Variants in GSTA4 observed in about 807,000 individuals in gnomAD.
GSTA4 encodes the protein glutathione S-transferase alpha 4.
Under a neutral mutation model 24.4 loss-of-function variants are expected in GSTA4, and 15 were observed. That is an observed-to-expected ratio of 0.61 (90% CI 0.41 to 0.95). GSTA4 has a LOEUF of 0.95. Ranked by LOEUF, GSTA4 falls within the 40% of genes least tolerant of loss-of-function variation. The pLI is 0.00. For missense variants in GSTA4, 244 were observed against 262.1 expected, an observed-to-expected ratio of 0.93 and a Z score of 0.48; for synonymous variants, 92 against 94.2, an observed-to-expected ratio of 0.98 and a Z score of 0.13.
In GSTA4 at chr6:52,986,317, T is replaced by A. The variant is rs1020323477; in HGVS notation, c.140-734A>T. 1.5e-4 allele frequency among the ~76,000 whole-genome samples: 23 copies of A among 152,372 alleles called. No individual in the cohort carries two copies. The East Asian group carries it at 4.2e-3, about 28-fold the overall frequency. On this transcript the variant is annotated intron_variant, in intron 3 of 6. Transcript: ENST00000370963. ...GTGCTCAACAGTCACATTTGCCTAG[T>A]GGCTACCATATTGGACAATGCAGAA...
At position 52,978,607 on chromosome 6, in the gene GSTA4, C is replaced by T; in HGVS notation, c.547-15G>A. 1.3e-6 allele frequency: 2 copies of T among 1,590,612 alleles called. No homozygotes were observed. The highest frequency in any genetic ancestry group is 1.7e-6 in the Non-Finnish European group (2 of 1,168,174). Reference sequence around the variant, plus strand: ...ACTGTGTATTCCTGAAAAAGGAAAACCAAAACTTTAAGGCTAACAAAAAAG... The same window carrying T: ...ACTGTGTATTCCTGAAAAAGGAAAATCAAAACTTTAAGGCTAACAAAAAAG... On this transcript the variant is annotated splice_polypyrimidine_tract_variant and intron_variant, in intron 6 of 6. Coordinates refer to ENST00000370963, the MANE Select transcript of GSTA4 (RefSeq NM_001512.4).
chr6:52,989,953 G>A (rs1763632760), intron 2 of GSTA4, among the ~76,000 whole-genome samples: 1 of 151,586 alleles, frequency 6.6e-6, no homozygotes, highest in Non-Finnish European at 1.5e-5. Context: ...AAGGGATCCT[G>A]CCACCCTCAG....
At chr6:52,985,670 G>A (rs1260741166) in intron 3 of GSTA4, 87 bp from the exon 4 acceptor site, 49 of 1,327,868 alleles carry the variant, frequency 3.7e-5, no homozygotes, top group African/African-American at 4.4e-5. Context: ...GAAAAGAAAC[G>A]GTGGAATCAT....
intron 6 of GSTA4, among the ~76,000 whole-genome samples, chr6:52,979,420 G>C (rs1188091015): frequency 2.0e-5 from 3 of 152,146 alleles, no homozygotes; most frequent in Admixed American, 2.0e-4. Context: ...GCAGGAAATA[G>C]CCAGTTGCAT....
intron 5 of GSTA4, among the ~76,000 whole-genome samples, chr6:52,983,283 T>C (rs1293775389): frequency 6.6e-6 from 1 of 152,162 alleles, no homozygotes; most frequent in Non-Finnish European, 1.5e-5. Flanking sequence ...TGACTCCCAT[T>C]CTGAGGGTAA....
intron 2 of GSTA4, 174 bp from the exon 3 acceptor site, chr6:52,987,582 C>A (rs928523366): frequency 1.4e-5 from 7 of 510,726 alleles, no homozygotes; most frequent in Non-Finnish European, 2.4e-5. Context: ...TATGTGGGAG[C>A]TAAAAAAGTG....
At chr6:52,979,392 T>A (rs987891576) in intron 6 of GSTA4, among the ~76,000 whole-genome samples, 2 of 152,238 alleles carry the variant, frequency 1.3e-5, no homozygotes, top group African/African-American at 4.8e-5. Flanking sequence ...AGTAAGTGAA[T>A]CCTCTTTCTG....
At chr6:52,987,210 T>A (rs2127386201) in intron 3 of GSTA4, 147 bp downstream of exon 3, 2 of 617,786 alleles carry the variant, frequency 3.2e-6, no homozygotes, top group Non-Finnish European at 5.7e-6. Context: ...CCTGGCAATT[T>A]CAACTATTTA....
At chr6:52,990,440 C>T (rs886376484) in intron 2 of GSTA4, among the ~76,000 whole-genome samples, 1 of 152,198 alleles carries the variant, frequency 6.6e-6, no homozygotes, top group African/African-American at 2.4e-5. Flanking sequence ...ACCTTGTAAA[C>T]CATGTGGTCA....
At chr6:52,994,665 G>C (rs775869072) in intron 1 of GSTA4, among the ~76,000 whole-genome samples, 5 of 152,172 alleles carry the variant, frequency 3.3e-5, no homozygotes, top group Non-Finnish European at 7.4e-5. Flanking sequence ...ACAGCCACTG[G>C]AAGCTCTTCA....
intron 2 of GSTA4, among the ~76,000 whole-genome samples, chr6:52,988,564 T>C (rs1025795919): frequency 6.6e-6 from 1 of 152,096 alleles, no homozygotes; most frequent in Non-Finnish European, 1.5e-5. Flanking sequence ...AAATCAGGTA[T>C]ATTCAGGATG....
At chr6:52,982,515 G>C (rs1763470781) in intron 6 of GSTA4, 59 bp downstream of exon 6, 1 of 1,299,256 alleles carries the variant, frequency 7.7e-7, no homozygotes, top group South Asian at 1.3e-5. Flanking sequence ...CCAAACAATA[G>C]ACACTGAAGG....
chr6:52,979,695 T>C (rs892143682), intron 6 of GSTA4, among the ~76,000 whole-genome samples: 24 of 152,284 alleles, frequency 1.6e-4, no homozygotes, highest in Middle Eastern at 3.4e-3. Flanking sequence ...CTACTATTTA[T>C]TAATTGCCTA....
At chr6:52,983,890 A>G (rs1203917133) in intron 5 of GSTA4, among the ~76,000 whole-genome samples, 1 of 152,158 alleles carries the variant, frequency 6.6e-6, no homozygotes, top group Non-Finnish European at 1.5e-5. Flanking sequence ...GTCTTCCCAT[A>G]TTTTCACACC....
Position 52,978,432 on chromosome 6 carries a change from C to G in GSTA4, c.*38G>C. 6.2e-7 allele frequency: 1 copy of G among 1,604,566 alleles called. No homozygotes were observed. Among genetic ancestry groups the G allele is most frequent in the Non-Finnish European group, 8.5e-7 (1 of 1,172,474 alleles). On this transcript the variant is annotated 3_prime_UTR_variant, in exon 7 of 7. Transcript: ENST00000370963. Reference sequence around the variant, plus strand: ...GACATGACTGTAGACAATACCATCTCTAGGAACACACTGTCACTCACACAT... The same window carrying G: ...GACATGACTGTAGACAATACCATCTGTAGGAACACACTGTCACTCACACAT...
In GSTA4 at chr6:52,978,213, T is replaced by G; in HGVS notation, c.*257A>C. ...ATGAGGATGAACTGGCTACAGGACA[T>G]GAGTAGCCCAATCAGATCTAACTTA... On this transcript the variant is annotated 3_prime_UTR_variant, in exon 7 of 7. Coordinates refer to ENST00000370963, the MANE Select transcript of GSTA4 (RefSeq NM_001512.4). 1 of 416,294 alleles carries G rather than the reference T, an allele frequency of 2.4e-6. No homozygotes were observed. Among genetic ancestry groups the G allele is most frequent in the Non-Finnish European group, 4.3e-6 (1 of 234,928 alleles). The allele number at this position is 416,294 out of a possible 1,614,324, so 25.8% of individuals were successfully genotyped here. A position where few individuals can be genotyped will look rare whatever the true frequency, so the allele number is the denominator to read the frequency against.
rs1465403958 is a variant in GSTA4 at position 52,978,293 on chromosome 6, C to G, written c.*177G>C. The G allele has an allele frequency of 2.7e-5, 17 of 624,466 alleles. No homozygotes were observed. Among genetic ancestry groups the G allele is most frequent in the Non-Finnish European group, 1.3e-5 (5 of 370,658 alleles). The allele number at this position is 624,466 out of a possible 1,614,324, so 38.7% of individuals were successfully genotyped here. On this transcript the variant is annotated 3_prime_UTR_variant, in exon 7 of 7. Coordinates refer to ENST00000370963, the MANE Select transcript of GSTA4 (RefSeq NM_001512.4). ...ATAAAGATCCCCTAACAATTATTTA[C>G]TGGACAAAAAAGGTTGATATTTCTA...
chr6:52,985,344 A>G, intron 4 of GSTA4, 107 bp downstream of exon 4: 8 of 1,064,264 alleles, frequency 7.5e-6, no homozygotes, highest in Non-Finnish European at 1.1e-5. Flanking sequence ...CCCTGATCTC[A>G]CTAACTATGT....
intron 6 of GSTA4, among the ~76,000 whole-genome samples, chr6:52,979,297 A>C (rs1763405466): frequency 6.6e-6 from 1 of 152,218 alleles, no homozygotes; most frequent in Non-Finnish European, 1.5e-5. Flanking sequence ...TGCATGAGCC[A>C]CTTAAGTAAA....
Sources: gnomAD v4.1 joint callset for allele counts (sites outside exome capture counted in the v4.1 genomes callset) on GRCh38, gnomAD v4.1.1 for gene constraint, MANE v1.5 for transcripts, NCBI Gene and HGNC (gene_info 2026-07-23, HGNC 2026-07-21) for gene names.